Variants in PCDH15 observed in about 807,000 individuals in gnomAD.
The protein encoded by PCDH15 is protocadherin related 15, also known as protocadherin-15.
Under a neutral mutation model 178.5 loss-of-function variants are expected in PCDH15, and 129 were observed. The ratio of observed to expected loss-of-function variants is 0.72; its 90% CI spans 0.63 to 0.84. The LOEUF is 0.84. PCDH15 is among the 40% of genes least tolerant of loss of function. The probability of loss-of-function intolerance (pLI) is 0.00; values close to 1 mark genes in which losing one functional copy is unlikely to be tolerated. For synonymous variants in PCDH15, 800 were observed against 732.0 expected, an observed-to-expected ratio of 1.09 and a Z score of -1.50; for missense variants, 2,230 against 2,099.9, an observed-to-expected ratio of 1.06 and a Z score of -1.21.
At chr10:55,318,322 G>T (rs1378678996) in intron 1 of PCDH15, among the ~76,000 whole-genome samples, 6 of 151,898 alleles carry the variant, frequency 4.0e-5, no homozygotes, top group African/African-American at 9.7e-5. Flanking sequence ...CTGAATAACT[G>T]GAAATAATAC....
At chr10:54,042,684 A>C (rs2093574241) in intron 18 of PCDH15, among the ~76,000 whole-genome samples, 1 of 152,094 alleles carries the variant, frequency 6.6e-6, no homozygotes, top group African/African-American at 2.4e-5. Flanking sequence ...AGTCATGTGG[A>C]GATATGAAGG....
intron 3 of PCDH15, among the ~76,000 whole-genome samples, chr10:54,867,906 C>T (rs1481519316): frequency 1.3e-5 from 2 of 152,068 alleles, no homozygotes; most frequent in African/African-American, 2.4e-5. Flanking sequence ...TAGTGACTAA[C>T]TATAATTAAT....
chr10:54,877,957 T>TGAAACGGAGTCTCGCTCTGTTGCC (rs1954180294), intron 3 of PCDH15, among the ~76,000 whole-genome samples: 1 of 14,302 alleles, frequency 7.0e-5, no homozygotes, highest in Non-Finnish European at 1.5e-4. Flanking sequence ...TTTTTTTTTT[T>TGAAACGGAGTCTCGCTCTGTTGCC]TTTTTTTTTT....
At chr10:54,544,371 C>G (rs1395137914) in intron 2 of PCDH15, among the ~76,000 whole-genome samples, 1 of 152,082 alleles carries the variant, frequency 6.6e-6, no homozygotes, top group Non-Finnish European at 1.5e-5. Context: ...AGTGCTAAGA[C>G]AAGTATTTTA....
intron 2 of PCDH15, among the ~76,000 whole-genome samples, chr10:54,608,706 A>T (rs1220054742): frequency 2.0e-5 from 3 of 152,072 alleles, no homozygotes; most frequent in African/African-American, 4.8e-5. Context: ...GCTCTCTTAC[A>T]ATTCTGACTT....
At chr10:53,946,896 C>T (rs1256421131) in intron 23 of PCDH15, among the ~76,000 whole-genome samples, 1 of 152,130 alleles carries the variant, frequency 6.6e-6, no homozygotes, top group Non-Finnish European at 1.5e-5. Context: ...TCTGCCTCAG[C>T]CTCCTGAGTA....
chr10:54,938,291 A>AGCTTTCACAT (rs1320306151), intron 2 of PCDH15, among the ~76,000 whole-genome samples: 2 of 144,546 alleles, frequency 1.4e-5, no homozygotes, highest in Non-Finnish European at 1.5e-5. Flanking sequence ...ATTTCGGTTT[A>AGCTTTCACAT]GCATAGTGTA....
intron 3 of PCDH15, among the ~76,000 whole-genome samples, chr10:54,828,408 G>C (rs1454654524): frequency 6.6e-6 from 1 of 151,806 alleles, no homozygotes; most frequent in Non-Finnish European, 1.5e-5. Flanking sequence ...TTCAATTTAT[G>C]ACCTTTAGCC....
chr10:54,920,467 T>TAAA (rs1837457557), intron 2 of PCDH15, among the ~76,000 whole-genome samples: 3 of 13,794 alleles, frequency 2.2e-4, no homozygotes, highest in East Asian at 8.5e-4. Context: ...AGACTGTGTC[T>TAAA]CAAAAAAAAA....
intron 25 of PCDH15, among the ~76,000 whole-genome samples, chr10:53,935,014 C>A (rs912372522): frequency 6.7e-6 from 1 of 150,336 alleles, no homozygotes. Context: ...AGAAAATGAC[C>A]CAGAATTGCC....
intron 2 of PCDH15, among the ~76,000 whole-genome samples, chr10:55,596,224 T>C (rs1589165135): frequency 6.6e-6 from 1 of 152,248 alleles, no homozygotes; most frequent in East Asian, 1.9e-4. Flanking sequence ...TAACACTTTA[T>C]TGGCTTTGAG....
intron 26 of PCDH15, among the ~76,000 whole-genome samples, chr10:53,878,490 A>G (rs2133308009): frequency 7.1e-6 from 1 of 141,834 alleles, no homozygotes; most frequent in South Asian, 2.1e-4. Flanking sequence ...ATATATAAAT[A>G]TATAATATAT....
intron 11 of PCDH15, among the ~76,000 whole-genome samples, chr10:54,195,340 T>C (rs2049499010): frequency 6.6e-6 from 1 of 152,164 alleles, no homozygotes; most frequent in African/African-American, 2.4e-5. Context: ...GATTTTTTAC[T>C]CATGTAGTAA....
intron 1 of PCDH15, among the ~76,000 whole-genome samples, chr10:55,301,365 T>C (rs1283904320): frequency 6.6e-6 from 1 of 152,168 alleles, no homozygotes; most frequent in East Asian, 1.9e-4. Context: ...TAATGACATT[T>C]AATGTATTTT....
chr10:55,233,564 AT>A (rs1361693152), intron 1 of PCDH15, among the ~76,000 whole-genome samples: 1 of 152,072 alleles, frequency 6.6e-6, no homozygotes, highest in Non-Finnish European at 1.5e-5. Context: ...AAATGCACTG[AT>A]TCATTTTTTT....
intron 2 of PCDH15, among the ~76,000 whole-genome samples, chr10:54,928,168 A>ATT (rs1837679089): frequency 6.6e-6 from 1 of 152,142 alleles, no homozygotes; most frequent in Non-Finnish European, 1.5e-5. Flanking sequence ...TTGTTCAAAA[A>ATT]TATCTTATTT....
intron 2 of PCDH15, among the ~76,000 whole-genome samples, chr10:54,969,022 C>T (rs939768446): frequency 1.3e-5 from 2 of 151,932 alleles, no homozygotes; most frequent in African/African-American, 4.8e-5. Flanking sequence ...AATGTAATAA[C>T]ATTTTATTGT....
intron 2 of PCDH15, among the ~76,000 whole-genome samples, chr10:54,656,310 C>A (rs1260382131): frequency 6.6e-6 from 1 of 150,598 alleles, no homozygotes; most frequent in Non-Finnish European, 1.5e-5. Flanking sequence ...CAGAGATTGA[C>A]CCCCAAGGAA....
intron 2 of PCDH15, among the ~76,000 whole-genome samples, chr10:55,438,047 C>T (rs531810303): frequency 9.9e-5 from 15 of 151,934 alleles, no homozygotes; most frequent in Non-Finnish European, 1.9e-4. Context: ...GTTGGTCAGG[C>T]TGGTCTCAAA....
Sources: allele counts gnomAD v4.1 joint callset (sites outside exome capture counted in the v4.1 genomes callset), GRCh38; gene constraint gnomAD v4.1.1; transcripts MANE v1.5; gene names NCBI Gene and HGNC (gene_info 2026-07-23, HGNC 2026-07-21).